The following CHD9 variants were observed in gnomAD, a reference collection of about 807,000 sequenced individuals.
The protein encoded by CHD9 is chromodomain helicase DNA binding protein 9, also known as ATP-dependent chromatin remodeler CHD9.
In CHD9, 77 loss-of-function variants were observed where a neutral mutation model predicts 316.1. The observed-to-expected ratio is 0.24, with a 90% CI of 0.20 to 0.29. The LOEUF (loss-of-function observed/expected upper bound fraction) is 0.29, where lower values mean the gene tolerates loss of function less well. Ranked by LOEUF, CHD9 falls within the 10% of genes least tolerant of loss-of-function variation. The pLI is 1.00. For missense variants in CHD9, 2,763 were observed against 3,438.1 expected, an observed-to-expected ratio of 0.80 and a Z score of 4.91; for synonymous variants, 1,129 against 1,158.3, an observed-to-expected ratio of 0.97 and a Z score of 0.51.
chr16:53,315,510 G>T (rs554717325), intron 36 of CHD9, among the ~76,000 whole-genome samples: 1 of 151,978 alleles, frequency 6.6e-6, no homozygotes, highest in Non-Finnish European at 1.5e-5. Context: ...ACAGAGTCTC[G>T]CACTGTCACC....
At chr16:53,315,157 C>T in intron 36 of CHD9, 113 bp downstream of exon 36, 1 of 707,814 alleles carries the variant, frequency 1.4e-6, no homozygotes, top group Non-Finnish European at 2.4e-6. Context: ...CTGCCTAAGA[C>T]CTAGGAGAAT....
At chr16:53,075,837 G>A (rs913103782) in intron 1 of CHD9, among the ~76,000 whole-genome samples, 3 of 152,068 alleles carry the variant, frequency 2.0e-5, no homozygotes, top group Non-Finnish European at 2.9e-5. Context: ...AGGACCTGAC[G>A]TACTGTTTTC....
At chr16:53,072,848 C>T (rs2034219243) in intron 1 of CHD9, among the ~76,000 whole-genome samples, 1 of 152,058 alleles carries the variant, frequency 6.6e-6, no homozygotes, top group South Asian at 2.1e-4. Flanking sequence ...GCGCCTGCCA[C>T]CACGCCCAGC....
intron 1 of CHD9, among the ~76,000 whole-genome samples, chr16:53,144,531 A>ATT (rs879522585): frequency 1.4e-5 from 2 of 144,514 alleles, no homozygotes; most frequent in Non-Finnish European, 1.5e-5. Flanking sequence ...CTGTCTACAA[A>ATT]TTTTTTTTTT....
At chr16:53,096,227 C>T (rs901987634) in intron 1 of CHD9, among the ~76,000 whole-genome samples, 8 of 151,896 alleles carry the variant, frequency 5.3e-5, no homozygotes, top group South Asian at 2.1e-4. Context: ...CCAGCCAAGA[C>T]GTAAGGATTT....
intron 1 of CHD9, among the ~76,000 whole-genome samples, chr16:53,094,647 T>C (rs1303751524): frequency 6.6e-6 from 1 of 150,536 alleles, no homozygotes; most frequent in Non-Finnish European, 1.5e-5. Context: ...TTTTCTTTTT[T>C]TTTTTTTTTT....
chr16:53,270,691 A>G (rs1468187978), intron 22 of CHD9, among the ~76,000 whole-genome samples: 1 of 152,164 alleles, frequency 6.6e-6, no homozygotes, highest in Non-Finnish European at 1.5e-5. Flanking sequence ...GGAAACGGCA[A>G]CAAGATTTTG....
chr16:53,109,546 G>A (rs1293631525), intron 1 of CHD9, among the ~76,000 whole-genome samples: 1 of 151,622 alleles, frequency 6.6e-6, no homozygotes, highest in African/African-American at 2.4e-5. Context: ...TGTTGGCCAG[G>A]CTAGTCTCCA....
At chr16:53,080,063 C>G (rs1284909636) in intron 1 of CHD9, among the ~76,000 whole-genome samples, 3 of 152,156 alleles carry the variant, frequency 2.0e-5, no homozygotes, top group Non-Finnish European at 4.4e-5. Context: ...TGGGAGCAAT[C>G]TGTGCAACTA....
At chr16:53,189,810 C>T (rs916982996) in intron 2 of CHD9, among the ~76,000 whole-genome samples, 26 of 151,796 alleles carry the variant, frequency 1.7e-4, no homozygotes, top group African/African-American at 5.8e-4. Context: ...AGGATGATAG[C>T]GGAGGTATAA....
chr16:53,193,182 G>C (rs1007169217), intron 2 of CHD9, among the ~76,000 whole-genome samples: 1 of 152,186 alleles, frequency 6.6e-6, no homozygotes, highest in East Asian at 1.9e-4. Flanking sequence ...GGGCACGGTG[G>C]CTCATACCTG....
intron 37 of CHD9, 70 bp from the exon 38 acceptor site, chr16:53,321,456 A>G (rs2057269103): frequency 6.9e-7 from 1 of 1,448,866 alleles, no homozygotes; most frequent in African/African-American, 1.4e-5. Context: ...TCTGTAGAGC[A>G]TACAATAAAA....
At chr16:53,283,699 T>G (rs1013236965) in intron 24 of CHD9, among the ~76,000 whole-genome samples, 5 of 152,240 alleles carry the variant, frequency 3.3e-5, no homozygotes, top group African/African-American at 1.2e-4. Flanking sequence ...CTCATTTCTT[T>G]TTTAACTTTT....
At chr16:53,287,639 A>G (rs2053991693) in intron 26 of CHD9, among the ~76,000 whole-genome samples, 1 of 152,184 alleles carries the variant, frequency 6.6e-6, no homozygotes. Flanking sequence ...AGGCAGGAGA[A>G]TCTCTTGAAC....
At chr16:53,086,064 G>A (rs938411848) in intron 1 of CHD9, among the ~76,000 whole-genome samples, 4 of 152,124 alleles carry the variant, frequency 2.6e-5, no homozygotes, top group Non-Finnish European at 5.9e-5. Flanking sequence ...AATAGGAGCT[G>A]AGAATCCATA....
chr16:53,200,411 T>G (rs1305845022), intron 2 of CHD9, among the ~76,000 whole-genome samples: 1 of 147,414 alleles, frequency 6.8e-6, no homozygotes, highest in East Asian at 2.0e-4. Flanking sequence ...TAGCCAGGCA[T>G]GGTGGCGGAT....
intron 2 of CHD9, among the ~76,000 whole-genome samples, chr16:53,187,844 A>T (rs1379026232): frequency 2.0e-5 from 3 of 152,198 alleles, no homozygotes; most frequent in Non-Finnish European, 4.4e-5. Flanking sequence ...GAAAATCAGG[A>T]TATCAGCTAT....
chr16:53,208,658 T>C, intron 2 of CHD9: 2 of 992,058 alleles, frequency 2.0e-6, no homozygotes, highest in Non-Finnish European at 2.4e-6. Flanking sequence ...AAAATGTGTT[T>C]GGAAATTCCT....
chr16:53,055,499 C>CCA (rs1353250583), intron 1 of CHD9, among the ~76,000 whole-genome samples: 5 of 151,646 alleles, frequency 3.3e-5, no homozygotes, highest in African/African-American at 1.2e-4. Context: ...CCCCCGCCCC[C>CCA]CCCCAGAGAC....
Sources: allele counts gnomAD v4.1 joint callset (sites outside exome capture counted in the v4.1 genomes callset), GRCh38; gene constraint gnomAD v4.1.1; transcripts MANE v1.5; gene names NCBI Gene and HGNC (gene_info 2026-07-23, HGNC 2026-07-21).